USP42: variants seen among roughly 807,000 people sequenced by gnomAD.
USP42 encodes the protein ubiquitin carboxyl-terminal hydrolase 42.
A neutral mutation model predicts 113.0 loss-of-function variants in USP42; 23 were observed. The observed-to-expected ratio is 0.20, with a 90% CI of 0.15 to 0.29. The LOEUF is 0.29. Among genes scored for constraint, USP42 ranks in the 10% least tolerant of loss-of-function variants. The probability of loss-of-function intolerance (pLI) is 1.00; values close to 1 mark genes in which losing one functional copy is unlikely to be tolerated. For missense variants in USP42, 2,174 were observed against 1,779.8 expected, an observed-to-expected ratio of 1.22 and a Z score of -3.99; for synonymous variants, 933 against 699.0, an observed-to-expected ratio of 1.33 and a Z score of -5.28.
At position 6,159,200 on chromosome 7, in the gene USP42, T is replaced by G. The variant is rs1562864589; in HGVS notation, c.3944-250T>G. Among the ~76,000 whole-genome samples the G allele has an allele frequency of 6.6e-6, 1 of 152,162 alleles. No homozygotes were observed. The highest frequency in any genetic ancestry group is 1.5e-5 in the Non-Finnish European group (1 of 68,026). ...TTCAGTTCTTGGGCCTGATATCTGTTCTAACATCAGGCTGCGTGTGGGTTG... is the reference window on the plus strand; with the variant it reads ...TTCAGTTCTTGGGCCTGATATCTGTGCTAACATCAGGCTGCGTGTGGGTTG... On this transcript the variant is annotated intron_variant, in intron 16 of 17. Coordinates refer to ENST00000306177, the MANE Select transcript of USP42 (RefSeq NM_032172.3). The surrounding 1 kb of genome is among the most constrained non-coding windows in gnomAD (Gnocchi z 4.1).
chr7:6,127,124 T>C (rs1390077189), intron 3 of USP42, among the ~76,000 whole-genome samples: 4 of 152,246 alleles, frequency 2.6e-5, no homozygotes, highest in Non-Finnish European at 4.4e-5. Flanking sequence ...GCCATCTGTT[T>C]GTGTTCTTTG....
chr7:6,092,414 G>A, the USP42 span, among the ~76,000 whole-genome samples: 1 of 150,582 alleles, frequency 6.6e-6, no homozygotes, highest in Non-Finnish European at 1.5e-5. Context: ...CCTGACCTCA[G>A]GGGATCTGCC....
intron 1 of USP42, among the ~76,000 whole-genome samples, chr7:6,105,303 C>T (rs1779205031): frequency 6.8e-6 from 1 of 147,162 alleles, no homozygotes; most frequent in Non-Finnish European, 1.5e-5. Context: ...CCGGGCTGCG[C>T]GGCGAGGCCG....
At chr7:6,117,911 C>T (rs1047332168) in intron 3 of USP42, among the ~76,000 whole-genome samples, 2 of 151,976 alleles carry the variant, frequency 1.3e-5, no homozygotes, top group East Asian at 1.9e-4. Flanking sequence ...ATCTTTTGCC[C>T]GTTTGAAAAC....
At chr7:6,092,053 CTTT>C in the USP42 span, among the ~76,000 whole-genome samples, 157 of 41,678 alleles carry the variant, frequency 3.8e-3, 1 homozygote, top group Middle Eastern at 0.015. Context: ...TCTTCTTCTT[CTTT>C]CTTCTTCTTC....
At chr7:6,082,133 C>CT in the USP42 span, among the ~76,000 whole-genome samples, 1,967 of 142,918 alleles carry the variant, frequency 0.014, 40 homozygotes, top group African/African-American at 0.044. Flanking sequence ...CGAATTTATC[C>CT]TTTTTTTTTT....
the USP42 span, among the ~76,000 whole-genome samples, chr7:6,092,075 C>CTT: frequency 0.012 from 481 of 41,510 alleles, 76 homozygotes; most frequent in Non-Finnish European, 0.016. Flanking sequence ...TCTTCTTCTT[C>CTT]CTCTTCCTCT....
intron 9 of USP42, among the ~76,000 whole-genome samples, chr7:6,144,534 T>C (rs6949823): frequency 0.073 from 11,095 of 152,154 alleles, 507 homozygotes; most frequent in African/African-American, 0.12. Context: ...AAAAACTAAA[T>C]AGCATGCAAG....
rs540013175 is a variant in USP42 at position 6,154,868 on chromosome 7, C to T, written c.3314C>T (p.Pro1105Leu). 4 of 1,525,890 alleles carry T rather than the reference C, an allele frequency of 2.6e-6. No homozygotes were observed. The highest frequency in any genetic ancestry group is 1.4e-5 in the African/African-American group (1 of 71,764). 94.5% of individuals were successfully genotyped at this position (1,525,890 alleles called of 1,614,324 possible). ...DHNRGRRGCE[P>L]ARERERHRPS... ...AACCGGGGCCGTAGGGGCTGCGAGC[C>T]GGCCCGGGAGAGGGAGCGGCACCGC... Residue 1105 changes from proline to leucine, a missense_variant, in exon 15 of 18, where the codon CCG (proline) becomes CTG (leucine). Physicochemically the swap from Pro to Leu is moderately conservative, Grantham distance 98 (BLOSUM62 -3). Transcript: ENST00000306177.
upstream of USP42, among the ~76,000 whole-genome samples, chr7:6,100,295 T>C (rs1308274889): frequency 6.6e-6 from 1 of 150,620 alleles, no homozygotes; most frequent in Non-Finnish European, 1.5e-5. Context: ...CAGCTGTGAG[T>C]GTCCCATCCA....
chr7:6,135,748 C>A, intron 3 of USP42, 93 bp from the exon 4 acceptor site: 1 of 433,048 alleles, frequency 2.3e-6, no homozygotes, highest in Non-Finnish European at 4.0e-6. Flanking sequence ...GCTATTATTT[C>A]ATTTCAGGTG....
chr7:6,097,285 T>C, the USP42 span, among the ~76,000 whole-genome samples: 1 of 150,856 alleles, frequency 6.6e-6, no homozygotes, highest in African/African-American at 2.5e-5. Flanking sequence ...CACCAGCTGG[T>C]AGCATGCATT....
chr7:6,152,174 G>C (rs1024045090), intron 14 of USP42, among the ~76,000 whole-genome samples: 1 of 152,250 alleles, frequency 6.6e-6, no homozygotes, highest in Non-Finnish European at 1.5e-5. Context: ...AGGCTGTGCA[G>C]GCGGTGCTTG....
chr7:6,139,043 G>A lies in USP42; in HGVS notation c.554-49G>A, dbSNP rs1384272907. 7.8e-7 allele frequency: 1 copy of A among 1,289,882 alleles called. No individual in the cohort carries two copies. Among genetic ancestry groups the A allele is most frequent in the East Asian group, 2.5e-5 (1 of 40,510 alleles). The allele number at this position is 1,289,882 out of a possible 1,614,324, so 79.9% of individuals were successfully genotyped here. A position where few individuals can be genotyped will look rare whatever the true frequency, so the allele number is the denominator to read the frequency against. Reference sequence around the variant, plus strand: ...GATATATTTTGGGGGGTACAACTTAGGCTTATTACGTGTAATGATAAAGCC... The same window carrying A: ...GATATATTTTGGGGGGTACAACTTAAGCTTATTACGTGTAATGATAAAGCC... On this transcript the variant is annotated intron_variant, in intron 4 of 17. Coordinates refer to ENST00000306177, the MANE Select transcript of USP42 (RefSeq NM_032172.3). This position sits in a 1 kb window ranked among gnomAD's most constrained non-coding sequence, Gnocchi z 4.5.
chr7:6,150,243 G>T lies in USP42; in HGVS notation c.2047G>T (p.Gly683Cys), dbSNP rs745782080. 6.2e-7 allele frequency: 1 copy of T among 1,613,822 alleles called. No homozygotes were observed. The highest frequency in any genetic ancestry group is 8.5e-7 in the Non-Finnish European group (1 of 1,179,864). The change falls in exon 13 of 18, where the codon GGC becomes TGC. Residue 683 changes from glycine (G) to cysteine (C), a missense_variant. Coordinates refer to ENST00000306177, the MANE Select transcript of USP42 (RefSeq NM_032172.3). Reference sequence around the variant, plus strand: ...AGCGCCTGATGGTGCCAGCTGCCAAGGCCAGCCTGCCCTGCACTCAGAAAA... The same window carrying T: ...AGCGCCTGATGGTGCCAGCTGCCAATGCCAGCCTGCCCTGCACTCAGAAAA... ...GLAPDGASCQGQPALHSENPF... is the reference protein window; with the variant it reads ...GLAPDGASCQCQPALHSENPF...
At chr7:6,125,183 C>CAAAA (rs56776147) in intron 3 of USP42, among the ~76,000 whole-genome samples, 16 of 38,686 alleles carry the variant, frequency 4.1e-4, no homozygotes, top group Middle Eastern at 0.017. Flanking sequence ...TCTGTCTCAA[C>CAAAA]AAAAAAAAAA....
At chr7:6,102,555 G>A (rs537703004), upstream of USP42, among the ~76,000 whole-genome samples, 1 of 150,512 alleles carries the variant, frequency 6.6e-6, no homozygotes, top group East Asian at 2.0e-4. Context: ...GAGGCCAGGG[G>A]TTCACAACCA....
At chr7:6,086,607 C>T in the USP42 span, among the ~76,000 whole-genome samples, 111 of 150,892 alleles carry the variant, frequency 7.4e-4, 7 homozygotes, top group African/African-American at 2.7e-3. Flanking sequence ...CCCTCAACCT[C>T]CCAAAGTTCT....
chr7:6,141,053 T>G, intron 7 of USP42, 69 bp downstream of exon 7: 1 of 776,620 alleles, frequency 1.3e-6, no homozygotes, highest in Non-Finnish European at 2.1e-6. Flanking sequence ...GTAGTTCATT[T>G]ATAATTTAGA....
Sources: allele counts gnomAD v4.1 joint callset (sites outside exome capture counted in the v4.1 genomes callset), GRCh38; gene constraint gnomAD v4.1.1; non-coding constraint Gnocchi (gnomAD v3.1); transcripts MANE v1.5; gene names NCBI Gene and HGNC (gene_info 2026-07-23, HGNC 2026-07-21).